CCSER1: variants seen among roughly 807,000 people sequenced by gnomAD.
The protein encoded by CCSER1 is coiled-coil serine rich protein 1, also known as serine-rich coiled-coil domain-containing protein 1.
A neutral mutation model predicts 82.0 loss-of-function variants in CCSER1; 41 were observed. The observed-to-expected ratio is 0.50, with a 90% CI of 0.39 to 0.65. CCSER1 has a LOEUF of 0.65. Ranked by LOEUF, CCSER1 falls within the 30% of genes least tolerant of loss-of-function variation. The pLI, the probability that CCSER1 is intolerant of heterozygous loss-of-function variation, is 0.00. For synonymous variants in CCSER1, 414 were observed against 383.9 expected (o/e 1.08, Z -0.92); for missense variants, 1,119 against 1,064.2 (o/e 1.05, Z -0.72).
At chr4:91,064,819 C>T (rs1022512504) in intron 9 of CCSER1, among the ~76,000 whole-genome samples, 2 of 151,968 alleles carry the variant, frequency 1.3e-5, no homozygotes, top group African/African-American at 4.8e-5. Flanking sequence ...GCTCTATTTT[C>T]CAGGGACAAT....
chr4:90,673,533 G>T (rs958283750), intron 6 of CCSER1, among the ~76,000 whole-genome samples: 20 of 151,886 alleles, frequency 1.3e-4, no homozygotes, highest in African/African-American at 4.8e-4. Context: ...AATAACTCCT[G>T]CCAGTCACAA....
chr4:90,392,055 T>C (rs1489161571), intron 3 of CCSER1, among the ~76,000 whole-genome samples: 1 of 152,012 alleles, frequency 6.6e-6, no homozygotes. Flanking sequence ...TGATGTTAGT[T>C]CTACTTTGTC....
chr4:90,941,254 G>A (rs1731544250), intron 9 of CCSER1, among the ~76,000 whole-genome samples: 1 of 151,932 alleles, frequency 6.6e-6, no homozygotes, highest in African/African-American at 2.4e-5. Context: ...AAATCATTCT[G>A]ACAATTTAAT....
chr4:90,694,619 C>T (rs1414949216), intron 6 of CCSER1, among the ~76,000 whole-genome samples: 2 of 143,518 alleles, frequency 1.4e-5, no homozygotes, highest in Admixed American at 1.4e-4. Flanking sequence ...AAAATGTTTT[C>T]GTGTTTACTT....
intron 3 of CCSER1, among the ~76,000 whole-genome samples, chr4:90,337,970 T>C (rs1055544860): frequency 1.3e-5 from 2 of 152,200 alleles, no homozygotes; most frequent in African/African-American, 4.8e-5. Context: ...CATAGATATG[T>C]TGTTCGAAAA....
At chr4:90,258,280 C>T (rs537342471) in intron 1 of CCSER1, among the ~76,000 whole-genome samples, 5 of 152,134 alleles carry the variant, frequency 3.3e-5, no homozygotes, top group Admixed American at 6.5e-5. Flanking sequence ...TTTGGGAGGC[C>T]GCGGCAGGTG....
At chr4:91,098,035 T>C (rs1175358348) in intron 10 of CCSER1, among the ~76,000 whole-genome samples, 1 of 152,140 alleles carries the variant, frequency 6.6e-6, no homozygotes, top group Non-Finnish European at 1.5e-5. Context: ...TTAGAGACAG[T>C]TGAAAAAGGC....
chr4:90,353,684 C>A (rs944459470), intron 3 of CCSER1, among the ~76,000 whole-genome samples: 1 of 152,166 alleles, frequency 6.6e-6, no homozygotes, highest in African/African-American at 2.4e-5. Flanking sequence ...GCTTATGTCT[C>A]CTTTGGAACA....
chr4:90,737,685 T>A (rs1745886359), intron 7 of CCSER1, among the ~76,000 whole-genome samples: 1 of 152,184 alleles, frequency 6.6e-6, no homozygotes, highest in Non-Finnish European at 1.5e-5. Flanking sequence ...TATGTTATTG[T>A]CCATACCTTA....
At chr4:90,591,686 A>T (rs1782714409) in intron 5 of CCSER1, among the ~76,000 whole-genome samples, 1 of 152,222 alleles carries the variant, frequency 6.6e-6, no homozygotes, top group Non-Finnish European at 1.5e-5. Context: ...ATTACTGGGT[A>T]TACACCCAAA....
At chr4:91,164,666 T>G (rs1430952951) in intron 10 of CCSER1, among the ~76,000 whole-genome samples, 1 of 152,188 alleles carries the variant, frequency 6.6e-6, no homozygotes, top group Non-Finnish European at 1.5e-5. Flanking sequence ...TCTTCTCACT[T>G]CATTTCATTC....
At chr4:90,720,988 AAG>A (rs1742575912) in intron 6 of CCSER1, among the ~76,000 whole-genome samples, 1 of 151,880 alleles carries the variant, frequency 6.6e-6, no homozygotes, top group African/African-American at 2.4e-5. Flanking sequence ...AAAGAAATGA[AAG>A]AGTTTTTTAA....
intron 10 of CCSER1, among the ~76,000 whole-genome samples, chr4:91,286,493 C>T (rs958606656): frequency 2.6e-5 from 4 of 151,652 alleles, no homozygotes; most frequent in Non-Finnish European, 3.0e-5. Flanking sequence ...TCTCAATTTC[C>T]GATGGGTTTA....
At chr4:91,141,496 TATGTACCAC>T (rs1357010900) in intron 10 of CCSER1, among the ~76,000 whole-genome samples, 1 of 152,158 alleles carries the variant, frequency 6.6e-6, no homozygotes, top group African/African-American at 2.4e-5. Flanking sequence ...TCATGGTGTA[TATGTACCAC>T]ATTTTCTTTA....
At chr4:90,152,992 G>C (rs1290242412) in intron 1 of CCSER1, among the ~76,000 whole-genome samples, 1 of 149,708 alleles carries the variant, frequency 6.7e-6, no homozygotes, top group East Asian at 2.0e-4. Context: ...CCATTAACTC[G>C]TCATTTAGCA....
chr4:91,539,761 C>T (rs956905807), intron 10 of CCSER1, among the ~76,000 whole-genome samples: 1 of 152,038 alleles, frequency 6.6e-6, no homozygotes, highest in Non-Finnish European at 1.5e-5. Flanking sequence ...CTATCACCAC[C>T]TACTTCTGTA....
chr4:91,179,047 C>T (rs555398942), intron 10 of CCSER1, among the ~76,000 whole-genome samples: 2 of 152,126 alleles, frequency 1.3e-5, no homozygotes, highest in Admixed American at 6.5e-5. Flanking sequence ...TTTTATTTCT[C>T]CTTCTTTTAT....
At chr4:90,908,123 C>T (rs113609957) in intron 8 of CCSER1, among the ~76,000 whole-genome samples, 2,114 of 152,154 alleles carry the variant, frequency 0.014, 23 homozygotes, top group Non-Finnish European at 0.023. Context: ...GAAGGCAGAC[C>T]AAACATAGGC....
At chr4:90,634,601 G>T (rs1024603300) in intron 6 of CCSER1, among the ~76,000 whole-genome samples, 1 of 151,694 alleles carries the variant, frequency 6.6e-6, no homozygotes. Context: ...ATAACTAAAT[G>T]ACATTTTCCT....
Sources: gnomAD v4.1 joint callset for allele counts (sites outside exome capture counted in the v4.1 genomes callset) on GRCh38, gnomAD v4.1.1 for gene constraint, MANE v1.5 for transcripts, NCBI Gene and HGNC (gene_info 2026-07-23, HGNC 2026-07-21) for gene names.